The following CERS3 variants were observed in gnomAD, a reference collection of about 807,000 sequenced individuals.
The protein encoded by CERS3 is LAG1 homolog, ceramide synthase 3.
CERS3 carries 33 observed loss-of-function variants against 50.3 expected under a neutral mutation model. That is an observed-to-expected ratio of 0.66 (90% CI 0.50 to 0.88). CERS3 has a LOEUF of 0.88. Ranked by LOEUF, CERS3 falls within the 40% of genes least tolerant of loss-of-function variation. The pLI, the probability that CERS3 is intolerant of heterozygous loss-of-function variation, is 0.00. For missense variants in CERS3, 470 were observed against 460.3 expected (o/e 1.02, Z -0.19); for synonymous variants, 176 against 155.2 (o/e 1.13, Z -0.99).
chr15:100,443,164 A>T (rs571346691), intron 11 of CERS3, among the ~76,000 whole-genome samples: 105 of 149,848 alleles, frequency 7.0e-4, no homozygotes, highest in African/African-American at 2.4e-3. Flanking sequence ...CTCCTCTTGT[A>T]TCCCCCTACC....
At chr15:100,507,938 C>G (rs1455866152) in intron 2 of CERS3, among the ~76,000 whole-genome samples, 2 of 152,240 alleles carry the variant, frequency 1.3e-5, no homozygotes, top group African/African-American at 2.4e-5. Context: ...AGTCCATCAG[C>G]CTTCCTTCAA....
intron 11 of CERS3, among the ~76,000 whole-genome samples, chr15:100,432,261 C>G (rs955836550): frequency 6.6e-6 from 1 of 152,052 alleles, no homozygotes; most frequent in African/African-American, 2.4e-5. Flanking sequence ...AACAGGTCAT[C>G]AAAAATATTT....
chr15:100,417,048 G>A (rs1031598321), intron 11 of CERS3, among the ~76,000 whole-genome samples: 4 of 152,154 alleles, frequency 2.6e-5, no homozygotes, highest in Admixed American at 6.5e-5. Flanking sequence ...CAGTCAGAAC[G>A]GCTATGAATA....
At chr15:100,409,650 CTT>C (rs2031325094) in intron 11 of CERS3, among the ~76,000 whole-genome samples, 1 of 152,172 alleles carries the variant, frequency 6.6e-6, no homozygotes, top group South Asian at 2.1e-4. Flanking sequence ...AGTGCCAAGA[CTT>C]TGCTCGCAAA....
In CERS3 at chr15:100,431,488, A is replaced by G. The variant is rs149536112; in HGVS notation, c.999+24405T>C. ...TTAGTGCAGAACATCAATGTAACAC[A>G]AAAGTCCACTAATTTTGTAATATTT... On this transcript the variant is annotated intron_variant, in intron 11 of 11. Transcript: ENST00000679737. Among the ~76,000 whole-genome samples the G allele has an allele frequency of 8.1e-3, 1,234 of 152,302 alleles. 24 individuals carry two copies. The highest frequency in any genetic ancestry group is 0.05 in the Admixed American group (760 of 15,302).
At chr15:100,427,980 T>A (rs529043696) in intron 11 of CERS3, among the ~76,000 whole-genome samples, 3 of 152,322 alleles carry the variant, frequency 2.0e-5, no homozygotes, top group Middle Eastern at 3.4e-3. Flanking sequence ...AACCACTGTT[T>A]GGCAGAGTCA....
chr15:100,525,214 G>T (rs2036751234), intron 1 of CERS3, among the ~76,000 whole-genome samples: 1 of 152,044 alleles, frequency 6.6e-6, no homozygotes, highest in African/African-American at 2.4e-5. Context: ...TAGTTTCCTG[G>T]TATTTCCTAA....
intron 11 of CERS3, among the ~76,000 whole-genome samples, chr15:100,428,464 T>C (rs2032949104): frequency 6.6e-6 from 1 of 152,228 alleles, no homozygotes. Flanking sequence ...ACCTCGGCAC[T>C]GTGGATATTT....
chr15:100,512,788 C>G (rs941696608), intron 2 of CERS3, among the ~76,000 whole-genome samples: 3 of 152,066 alleles, frequency 2.0e-5, no homozygotes, highest in African/African-American at 7.2e-5. Context: ...AAAAAGGCCT[C>G]GGAAGTCCAA....
chr15:100,537,026 G>C (rs2037090913), intron 1 of CERS3, among the ~76,000 whole-genome samples: 1 of 152,202 alleles, frequency 6.6e-6, no homozygotes, highest in African/African-American at 2.4e-5. Context: ...AGGAGATTAT[G>C]ACCTAGCTTT....
chr15:100,516,247 C>A (rs67250115), intron 2 of CERS3, among the ~76,000 whole-genome samples: 49,133 of 151,962 alleles, frequency 0.32, 8,100 homozygotes, highest in East Asian at 0.37. Context: ...AATAACAAAC[C>A]AAAATGAGTG....
chr15:100,452,045 C>T (rs769898278), intron 11 of CERS3, among the ~76,000 whole-genome samples: 2 of 152,232 alleles, frequency 1.3e-5, no homozygotes, highest in East Asian at 1.9e-4. Flanking sequence ...TCAACACCCT[C>T]CTATCACCAT....
intron 2 of CERS3, among the ~76,000 whole-genome samples, chr15:100,504,495 A>G (rs2587780): frequency 0.98 from 149,828 of 152,214 alleles, 73,784 homozygotes; most frequent in Middle Eastern, 1. Flanking sequence ...CGCCCGCCTC[A>G]GCCTCCCAAA....
intron 5 of CERS3, among the ~76,000 whole-genome samples, chr15:100,482,541 T>C (rs909572535): frequency 1.2e-4 from 19 of 152,120 alleles, no homozygotes; most frequent in African/African-American, 4.3e-4. Flanking sequence ...TTCCTTCTTA[T>C]TGCTAGGTGG....
intron 9 of CERS3, among the ~76,000 whole-genome samples, chr15:100,471,114 C>A (rs560039964): frequency 5.9e-5 from 9 of 152,298 alleles, no homozygotes; most frequent in African/African-American, 1.9e-4. Flanking sequence ...GCTCATCGAA[C>A]CTCACATCAG....
intron 5 of CERS3, among the ~76,000 whole-genome samples, chr15:100,481,103 C>T (rs1004726324): frequency 3.3e-5 from 5 of 152,130 alleles, no homozygotes; most frequent in African/African-American, 1.2e-4. Flanking sequence ...CCTTGACACA[C>T]CTGTAAGATA....
chr15:100,439,724 C>T (rs531285723), intron 11 of CERS3, among the ~76,000 whole-genome samples: 26 of 152,322 alleles, frequency 1.7e-4, no homozygotes, highest in African/African-American at 3.6e-4. Context: ...GGAGGCTTTA[C>T]GGCTTTGGAG....
At chr15:100,472,648 C>G (rs967124310) in intron 9 of CERS3, among the ~76,000 whole-genome samples, 1 of 152,310 alleles carries the variant, frequency 6.6e-6, no homozygotes, top group South Asian at 2.1e-4. Context: ...CTTCAAATAT[C>G]CCATCTTACT....
intron 11 of CERS3, among the ~76,000 whole-genome samples, chr15:100,444,488 T>C (rs2033848011): frequency 6.6e-6 from 1 of 152,216 alleles, no homozygotes; most frequent in South Asian, 2.1e-4. Flanking sequence ...GGTTTATGGA[T>C]GGCAGTTCCA....
Sources: allele counts gnomAD v4.1 joint callset (sites outside exome capture counted in the v4.1 genomes callset), GRCh38; gene constraint gnomAD v4.1.1; transcripts MANE v1.5; gene names NCBI Gene and HGNC (gene_info 2026-07-23, HGNC 2026-07-21).